Variants in EFCAB6 observed in about 807,000 individuals in gnomAD.
The protein encoded by EFCAB6 is EF-hand calcium binding domain 6.
A neutral mutation model predicts 169.8 loss-of-function variants in EFCAB6; 156 were observed. That is an observed-to-expected ratio of 0.92 (90% CI 0.81 to 1.05). The LOEUF (loss-of-function observed/expected upper bound fraction) is 1.05. Ranked by LOEUF, EFCAB6 falls within the 50% of genes least tolerant of loss-of-function variation. The pLI, the probability that EFCAB6 is intolerant of heterozygous loss-of-function variation, is 0.00. For missense variants in EFCAB6, 1,800 were observed against 1,829.1 expected, an observed-to-expected ratio of 0.98 and a Z score of 0.29; for synonymous variants, 698 against 676.4, an observed-to-expected ratio of 1.03 and a Z score of -0.50.
intron 27 of EFCAB6, chr22:43,552,590 G>A (rs2048443402): frequency 6.6e-6 from 1 of 151,922 alleles, no homozygotes; most frequent in Non-Finnish European, 1.5e-5. Flanking sequence ...TATGTTTGTT[G>A]GCTGCATGTA....
intron 19 of EFCAB6, among the ~76,000 whole-genome samples, chr22:43,630,340 G>T (rs917797463): frequency 6.6e-6 from 1 of 152,208 alleles, no homozygotes; most frequent in African/African-American, 2.4e-5. Context: ...TCTCTGGCGG[G>T]ATAGAGTGGG....
chr22:43,626,298 T>C, intron 20 of EFCAB6, 149 bp downstream of exon 20: 1 of 771,330 alleles, frequency 1.3e-6, no homozygotes, highest in Non-Finnish European at 2.0e-6. Flanking sequence ...TGAGTGCATA[T>C]TTCTTGTATG....
chr22:43,573,329 A>G (rs535714570), intron 26 of EFCAB6, among the ~76,000 whole-genome samples: 1 of 152,318 alleles, frequency 6.6e-6, no homozygotes, highest in East Asian at 1.9e-4. Flanking sequence ...ACTTTGATAC[A>G]AATGAAAAAT....
At chr22:43,640,383 T>A (rs1421390264) in intron 17 of EFCAB6, among the ~76,000 whole-genome samples, 2 of 152,166 alleles carry the variant, frequency 1.3e-5, no homozygotes, top group Non-Finnish European at 2.9e-5. Context: ...AAAGTTTGAG[T>A]GTGTTGGGCT....
intron 10 of EFCAB6, among the ~76,000 whole-genome samples, chr22:43,711,005 A>C (rs2059141059): frequency 6.6e-6 from 1 of 152,224 alleles, no homozygotes; most frequent in Non-Finnish European, 1.5e-5. Context: ...AGAATTGTGA[A>C]AAATCAACCA....
Position 43,530,805 on chromosome 22 carries a change from C to T in EFCAB6, c.4383+10G>A. The T allele has an allele frequency of 6.2e-7, 1 of 1,613,274 alleles. No individual in the cohort carries two copies. On this transcript the variant is annotated intron_variant, in intron 31 of 31. Transcript: ENST00000262726. The stretch of plus-strand genomic sequence containing the variant: ...CCCTGCAGAGGCACTGGGCGCAGAG[C>T]TGTGCTCACCGTCCTGAAATCTGCG...
intron 27 of EFCAB6, among the ~76,000 whole-genome samples, chr22:43,543,655 G>A (rs111399313): frequency 1.3e-5 from 2 of 152,138 alleles, no homozygotes; most frequent in African/African-American, 2.4e-5. Context: ...CCCAATAGCC[G>A]CCAGAGACAG....
intron 19 of EFCAB6, among the ~76,000 whole-genome samples, chr22:43,630,276 T>C (rs2054840464): frequency 6.6e-6 from 1 of 152,220 alleles, no homozygotes; most frequent in South Asian, 2.1e-4. Flanking sequence ...CTGTCTCACA[T>C]AAAAACTGGC....
intron 30 of EFCAB6, among the ~76,000 whole-genome samples, chr22:43,533,984 G>A (rs932830192): frequency 6.6e-6 from 1 of 152,208 alleles, no homozygotes; most frequent in Non-Finnish European, 1.5e-5. Flanking sequence ...TGGGTGCGGT[G>A]GCTCATGCCT....
At chr22:43,563,687 A>G (rs575334131) in intron 26 of EFCAB6, among the ~76,000 whole-genome samples, 1 of 152,352 alleles carries the variant, frequency 6.6e-6, no homozygotes, top group South Asian at 2.1e-4. Context: ...TGGTGATTAC[A>G]GATATTTCTG....
chr22:43,806,801 C>T (rs1426824779), intron 2 of EFCAB6, among the ~76,000 whole-genome samples: 2 of 152,150 alleles, frequency 1.3e-5, no homozygotes, highest in Non-Finnish European at 2.9e-5. Flanking sequence ...GGAGACCTTC[C>T]TATTGTCCTT....
intron 17 of EFCAB6, among the ~76,000 whole-genome samples, chr22:43,659,955 T>A (rs1483030838): frequency 1.3e-5 from 2 of 152,128 alleles, no homozygotes; most frequent in Admixed American, 6.5e-5. Context: ...TGTTCCAGAC[T>A]CCAGCTCCCT....
At chr22:43,587,515 A>C (rs958927010) in intron 24 of EFCAB6, among the ~76,000 whole-genome samples, 2 of 152,036 alleles carry the variant, frequency 1.3e-5, no homozygotes, top group Admixed American at 1.3e-4. Flanking sequence ...AGCTTCTGGG[A>C]GCAGTTGGCA....
intron 1 of EFCAB6, among the ~76,000 whole-genome samples, chr22:43,811,340 G>T (rs1386640679): frequency 1.7e-5 from 2 of 121,172 alleles, no homozygotes; most frequent in Admixed American, 8.5e-5. Flanking sequence ...GGGGAGGAGA[G>T]AGGAGGGGAG....
chr22:43,776,385 T>G (rs1271382731), intron 3 of EFCAB6, among the ~76,000 whole-genome samples: 1 of 152,158 alleles, frequency 6.6e-6, no homozygotes, highest in Non-Finnish European at 1.5e-5. Flanking sequence ...CAGCTTACAA[T>G]CTGGAGGTGA....
intron 16 of EFCAB6, 89 bp from the exon 17 acceptor site, chr22:43,667,361 T>G (rs956999516): frequency 6.7e-7 from 1 of 1,484,066 alleles, no homozygotes. Context: ...ATGTAACCCA[T>G]GACAGTAAGA....
chr22:43,542,938 C>T (rs747925366), intron 27 of EFCAB6, among the ~76,000 whole-genome samples: 20 of 152,278 alleles, frequency 1.3e-4, no homozygotes, highest in East Asian at 3.9e-4. Context: ...GGTCTGCGCA[C>T]GCTCAATCAT....
chr22:43,618,413 G>C (rs2374774), intron 20 of EFCAB6, among the ~76,000 whole-genome samples: 1 of 151,682 alleles, frequency 6.6e-6, no homozygotes. Flanking sequence ...AGGTGCTTCC[G>C]GTCCCAGTTA....
intron 27 of EFCAB6, among the ~76,000 whole-genome samples, chr22:43,541,934 AAG>A (rs2047754402): frequency 6.6e-6 from 1 of 152,238 alleles, no homozygotes; most frequent in African/African-American, 2.4e-5. Flanking sequence ...TGAAGTTCCT[AAG>A]AGACTCACAT....
Sources: gnomAD v4.1 joint callset for allele counts (sites outside exome capture counted in the v4.1 genomes callset) on GRCh38, gnomAD v4.1.1 for gene constraint, MANE v1.5 for transcripts, NCBI Gene and HGNC (gene_info 2026-07-23, HGNC 2026-07-21) for gene names.